The following PDZD2 variants were observed in gnomAD, a reference collection of about 807,000 sequenced individuals.
PDZD2 encodes PDZ domain containing 2.
In PDZD2, 90 loss-of-function variants were observed where a neutral mutation model predicts 220.7. The observed-to-expected ratio is 0.41, with a 90% CI of 0.34 to 0.49. PDZD2 has a LOEUF of 0.49. Among genes scored for constraint, PDZD2 ranks in the 20% least tolerant of loss-of-function variants. The pLI is 0.28. For synonymous variants in PDZD2, 1,375 were observed against 1,450.5 expected, an observed-to-expected ratio of 0.95 and a Z score of 1.18; for missense variants, 3,174 against 3,608.5, an observed-to-expected ratio of 0.88 and a Z score of 3.08.
intron 1 of PDZD2, among the ~76,000 whole-genome samples, chr5:31,717,617 C>T (rs1748530898): frequency 6.6e-6 from 1 of 152,146 alleles, no homozygotes; most frequent in Non-Finnish European, 1.5e-5. Context: ...TTTGTCTCTT[C>T]TCCATCTCCA....
chr5:31,885,912 G>GT (rs1740419068), intron 2 of PDZD2, among the ~76,000 whole-genome samples: 1 of 119,626 alleles, frequency 8.4e-6, no homozygotes, highest in Non-Finnish European at 1.8e-5. Context: ...TTTTGAGTTA[G>GT]TTTTTTGGTT....
At chr5:32,004,205 T>G (rs531535364) in intron 5 of PDZD2, among the ~76,000 whole-genome samples, 140 of 152,222 alleles carry the variant, frequency 9.2e-4, no homozygotes, top group African/African-American at 3.3e-3. Context: ...ACACACCAAC[T>G]TAAAGGAAGA....
At chr5:31,962,086 T>C (rs773414127) in intron 2 of PDZD2, among the ~76,000 whole-genome samples, 20 of 152,230 alleles carry the variant, frequency 1.3e-4, no homozygotes, top group Non-Finnish European at 2.6e-4. Context: ...AAGGGTCCTT[T>C]AGACTTAGCC....
At chr5:32,100,833 G>C (rs780535844) in intron 23 of PDZD2, 2 of 1,416,098 alleles carry the variant, frequency 1.4e-6, no homozygotes, top group African/African-American at 2.8e-5. Context: ...TTTCTGCTTG[G>C]GCATAAAAGC....
At chr5:31,719,547 C>T (rs1437726661) in intron 1 of PDZD2, among the ~76,000 whole-genome samples, 1 of 152,162 alleles carries the variant, frequency 6.6e-6, no homozygotes, top group Non-Finnish European at 1.5e-5. Context: ...TTTGGAAAAA[C>T]TCACTATTAT....
Position 32,087,270 on chromosome 5 carries a change from C to T in PDZD2, c.3822C>T (p.Thr1274=), listed in dbSNP as rs372902053. The change falls in exon 20 of 25, where the codon ACC becomes ACT. Residue 1274 remains threonine (T), a synonymous_variant. Transcript: ENST00000438447. The surrounding 1 kb of genome is among the most constrained non-coding windows in gnomAD (Gnocchi z 4.0). ...GCCAGCCTGCATCGCCCAGGGTCAC[C>T]AAGTGCAAGGCCAGGTCTCCAGTCA... The part of the protein sequence containing the change: ...NPSQPASPRV[T]KCKARSPVRL... 11 of 1,614,062 alleles carry T rather than the reference C, an allele frequency of 6.8e-6. No homozygotes were observed. Among genetic ancestry groups the T allele is most frequent in the Non-Finnish European group, 9.3e-6 (11 of 1,180,024 alleles).
At chr5:31,982,187 A>G (rs546577742) in intron 2 of PDZD2, among the ~76,000 whole-genome samples, 6 of 152,346 alleles carry the variant, frequency 3.9e-5, no homozygotes, top group African/African-American at 1.4e-4. Flanking sequence ...CAGACTGGAA[A>G]TGACACTCCA....
chr5:31,973,044 A>G (rs563236039), intron 2 of PDZD2, among the ~76,000 whole-genome samples: 1 of 152,218 alleles, frequency 6.6e-6, no homozygotes, highest in Non-Finnish European at 1.5e-5. Flanking sequence ...ATCAGTTCTC[A>G]TTGTTGATCA....
At chr5:32,072,996 A>G (rs1196551834) in intron 17 of PDZD2, among the ~76,000 whole-genome samples, 3 of 149,694 alleles carry the variant, frequency 2.0e-5, no homozygotes, top group Admixed American at 6.7e-5. Flanking sequence ...TTAAGAACTC[A>G]TAAGAGACAT....
rs371319785 is a variant in PDZD2 at position 31,698,440 on chromosome 5, C to CA, written c.-361+59012dup. ...GAAACCCCATCTCTACTAAAAAATA[C>CA]AAAAAAAAATTAGCCAGGCGTGGTA... On this transcript the variant is annotated intron_variant, in intron 1 of 24. Transcript: ENST00000438447. Among the ~76,000 whole-genome samples the CA allele has an allele frequency of 1.2e-3, 184 of 147,404 alleles. 2 individuals carry two copies. Among genetic ancestry groups the CA allele is most frequent in the African/African-American group, 4.3e-3 (172 of 40,264 alleles).
intron 2 of PDZD2, among the ~76,000 whole-genome samples, chr5:31,860,931 A>G (rs1474183187): frequency 6.6e-6 from 1 of 152,154 alleles, no homozygotes; most frequent in Non-Finnish European, 1.5e-5. Flanking sequence ...TGGACATGGA[A>G]GCATTGTTCT....
chr5:31,717,012 A>G (rs253930), intron 1 of PDZD2, among the ~76,000 whole-genome samples: 115,659 of 151,846 alleles, frequency 0.76, 44,200 homozygotes, highest in East Asian at 0.94. Context: ...AAAGGTGTAC[A>G]AAGGTAAGTG....
intron 2 of PDZD2, among the ~76,000 whole-genome samples, chr5:31,868,254 A>G (rs921916305): frequency 1.3e-5 from 2 of 152,106 alleles, no homozygotes; most frequent in Admixed American, 6.6e-5. Context: ...AGGCCAGCCT[A>G]GCCAACATGG....
Position 32,089,467 on chromosome 5 carries a change from T to G in PDZD2, c.6019T>G (p.Ser2007Ala). ...MWSRFHMAVL[S>A]EPDRGCPTTP... is the part of the protein sequence containing the mutation. ...GAGCAGGTTCCACATGGCTGTCCTC[T>G]CTGAACCCGACAGAGGTTGCCCAAC... The change falls in exon 20 of 25, where the codon TCT (serine) becomes GCT (alanine). Residue 2007 changes from serine to alanine, a missense_variant. Transcript: ENST00000438447. 1 of 1,613,812 alleles carries G rather than the reference T, an allele frequency of 6.2e-7. No individual in the cohort carries two copies. The highest frequency in any genetic ancestry group is 8.5e-7 in the Non-Finnish European group (1 of 1,180,024).
rs76420454 is a variant in PDZD2 at position 31,669,011 on chromosome 5, G to A, written c.-361+29574G>A. Among the ~76,000 whole-genome samples the A allele has an allele frequency of 9.1e-4, 139 of 152,300 alleles. 1 individual carries two copies. In the East Asian group the frequency reaches 0.024, roughly 26 times the overall value. The stretch of plus-strand genomic sequence containing the variant: ...AACCTCCATTACTGGGGTTCTCTGC[G>A]ATGGGTGACTTTGCCCCAGGGGACA... On this transcript the variant is annotated intron_variant, in intron 1 of 24. Coordinates refer to ENST00000438447, the MANE Select transcript of PDZD2 (RefSeq NM_178140.4).
At chr5:31,665,650 C>CCG (rs1745959624) in intron 1 of PDZD2, among the ~76,000 whole-genome samples, 1 of 117,366 alleles carries the variant, frequency 8.5e-6, no homozygotes, top group Non-Finnish European at 1.8e-5. Flanking sequence ...CCCCTCCCCC[C>CCG]CCTCCCTTTC....
At chr5:31,840,263 A>AAAAC (rs1757183157) in intron 2 of PDZD2, among the ~76,000 whole-genome samples, 1 of 122,870 alleles carries the variant, frequency 8.1e-6, no homozygotes, top group South Asian at 3.1e-4. Context: ...CAAAACAAAA[A>AAAAC]AACCACCTCA....
In PDZD2 at chr5:32,108,347, C is replaced by T. The variant is rs534231243; in HGVS notation, c.*212C>T. On this transcript the variant is annotated 3_prime_UTR_variant, in exon 25 of 25. Transcript: ENST00000438447. ...AGCCTTCCACCTGCGTCACCCAGGC[C>T]GGGAGGGTTCCTTCGTTCCAGTGCC... 1.0e-5 allele frequency: 4 copies of T among 382,250 alleles called. No individual in the cohort carries two copies. Among genetic ancestry groups the T allele is most frequent in the Non-Finnish European group, 1.9e-5 (4 of 215,282 alleles). 23.7% of individuals were successfully genotyped at this position (382,250 alleles called of 1,614,324 possible).
At chr5:31,678,217 G>A (rs1746517209) in intron 1 of PDZD2, among the ~76,000 whole-genome samples, 1 of 152,212 alleles carries the variant, frequency 6.6e-6, no homozygotes, top group South Asian at 2.1e-4. Context: ...CCTGGAGGAA[G>A]CTCCTGGCCA....
Sources: allele counts gnomAD v4.1 joint callset (sites outside exome capture counted in the v4.1 genomes callset), GRCh38; gene constraint gnomAD v4.1.1; non-coding constraint Gnocchi (gnomAD v3.1); transcripts MANE v1.5; gene names NCBI Gene and HGNC (gene_info 2026-07-23, HGNC 2026-07-21).